ITGA1: variants seen among roughly 807,000 people sequenced by gnomAD.
The protein encoded by ITGA1 is integrin subunit alpha 1, also known as integrin alpha-1.
ITGA1 carries 85 observed loss-of-function variants against 145.9 expected under a neutral mutation model. The ratio of observed to expected loss-of-function variants is 0.58; its 90% CI spans 0.49 to 0.70. The LOEUF (loss-of-function observed/expected upper bound fraction) is 0.70. Ranked by LOEUF, ITGA1 falls within the 30% of genes least tolerant of loss-of-function variation. The pLI is 0.00. For missense variants in ITGA1, 1,351 were observed against 1,418.7 expected (o/e 0.95, Z 0.77); for synonymous variants, 520 against 495.3 (o/e 1.05, Z -0.66).
intron 14 of ITGA1, 84 bp from the exon 15 acceptor site, chr5:52,915,380 A>G (rs1486914452): frequency 2.1e-6 from 3 of 1,425,134 alleles, no homozygotes; most frequent in Non-Finnish European, 2.9e-6. Flanking sequence ...TTATTTTGTT[A>G]AACAATTTAA....
chr5:52,818,963 G>A (rs1475672555), intron 1 of ITGA1, among the ~76,000 whole-genome samples: 1 of 152,106 alleles, frequency 6.6e-6, no homozygotes, highest in Admixed American at 6.6e-5. Context: ...TCTCATTCCT[G>A]TGTGAGTTAG....
At chr5:52,881,805 G>T in intron 6 of ITGA1, 68 bp from the exon 7 acceptor site, 3 of 1,442,920 alleles carry the variant, frequency 2.1e-6, no homozygotes, top group South Asian at 2.7e-5. Context: ...GATTCACATG[G>T]TTAACCTGAA....
intron 1 of ITGA1, among the ~76,000 whole-genome samples, chr5:52,815,746 TTAAAA>T (rs1414666105): frequency 1.3e-5 from 2 of 152,218 alleles, no homozygotes; most frequent in Non-Finnish European, 1.5e-5. Flanking sequence ...TTCTTATGTC[TTAAAA>T]TAATGTTACT....
chr5:52,886,211 G>C (rs1393626329), intron 7 of ITGA1, among the ~76,000 whole-genome samples: 2 of 152,274 alleles, frequency 1.3e-5, no homozygotes, highest in African/African-American at 4.8e-5. Flanking sequence ...AGAGGGCAGA[G>C]AGACTCAAAG....
intron 6 of ITGA1, among the ~76,000 whole-genome samples, chr5:52,878,292 A>G (rs1243691486): frequency 6.6e-6 from 1 of 152,172 alleles, no homozygotes; most frequent in Non-Finnish European, 1.5e-5. Context: ...GGCAGTTATA[A>G]CTCATCTTAT....
intron 1 of ITGA1, among the ~76,000 whole-genome samples, chr5:52,835,953 T>C (rs1749155801): frequency 6.6e-6 from 1 of 152,226 alleles, no homozygotes; most frequent in African/African-American, 2.4e-5. Context: ...TGCCGATAAT[T>C]GTAGAAACAC....
chr5:52,938,770 T>C (rs1242309761), intron 24 of ITGA1, among the ~76,000 whole-genome samples: 1 of 152,190 alleles, frequency 6.6e-6, no homozygotes, highest in South Asian at 2.1e-4. Flanking sequence ...CTACCTCCCA[T>C]GTAGACTGAG....
chr5:52,850,988 CAT>C (rs958978529), intron 2 of ITGA1, among the ~76,000 whole-genome samples: 1 of 152,134 alleles, frequency 6.6e-6, no homozygotes, highest in Admixed American at 6.6e-5. Context: ...AAATGCAGTA[CAT>C]GTTATTCTTA....
chr5:52,831,159 A>G lies in ITGA1; in HGVS notation c.62-18206A>G, dbSNP rs534483262. On this transcript the variant is annotated intron_variant, in intron 1 of 28. Coordinates refer to ENST00000282588, the MANE Select transcript of ITGA1 (RefSeq NM_181501.2). ...CACTTTTTTTTTTCCTTTGAGATGG[A>G]GTCTCCTCTGTTGCCTAGACTGATG... Among the ~76,000 whole-genome samples the G allele has an allele frequency of 4.6e-5, 7 of 151,860 alleles. No homozygotes were observed. In the South Asian group the frequency reaches 1.5e-3, roughly 32 times the overall value.
At chr5:52,881,181 C>T (rs887520394) in intron 6 of ITGA1, among the ~76,000 whole-genome samples, 2 of 152,226 alleles carry the variant, frequency 1.3e-5, no homozygotes, top group African/African-American at 4.8e-5. Context: ...ACAAAGCTCA[C>T]TGCTCAAGTG....
chr5:52,922,955 G>A, intron 18 of ITGA1, 68 bp downstream of exon 18: 1 of 902,800 alleles, frequency 1.1e-6, no homozygotes. Flanking sequence ...AGTAAACTGT[G>A]TTTTTTCACT....
chr5:52,938,490 T>C (rs576855545), intron 24 of ITGA1, among the ~76,000 whole-genome samples: 2 of 152,294 alleles, frequency 1.3e-5, no homozygotes, highest in Non-Finnish European at 2.9e-5. Context: ...TGGCTTGTGA[T>C]CACTTAAATG....
At chr5:52,804,524 C>T (rs1202379012) in intron 1 of ITGA1, among the ~76,000 whole-genome samples, 2 of 152,144 alleles carry the variant, frequency 1.3e-5, no homozygotes, top group Non-Finnish European at 2.9e-5. Flanking sequence ...ACTAGAGTAG[C>T]TTTGTAAAGC....
chr5:52,913,648 A>G (rs1318286616), intron 14 of ITGA1, among the ~76,000 whole-genome samples: 1 of 152,222 alleles, frequency 6.6e-6, no homozygotes, highest in Non-Finnish European at 1.5e-5. Flanking sequence ...ATATTGAACA[A>G]CTACTTACAA....
At chr5:52,864,890 T>G in intron 4 of ITGA1, 39 bp downstream of exon 4, 1 of 1,540,090 alleles carries the variant, frequency 6.5e-7, no homozygotes, top group South Asian at 1.1e-5. Context: ...ACAACAGATA[T>G]GCTATCATTT....
Position 52,898,303 on chromosome 5 carries a change from C to T in ITGA1, c.1229C>T (p.Ala410Val). 6.2e-7 allele frequency: 1 copy of T among 1,611,768 alleles called. No homozygotes were observed. The highest frequency in any genetic ancestry group is 8.5e-7 in the Non-Finnish European group (1 of 1,178,562). Residue 410 changes from alanine (A) to valine (V), a missense_variant, in exon 11 of 29, where the codon GCT becomes GTT. Transcript: ENST00000282588. The part of the protein sequence containing the change: ...DWNGTVVMQK[A>V]SQIIIPRNTT... Reference sequence around the variant, plus strand: ...AATGGAACAGTTGTCATGCAGAAGGCTAGTCAAATCATAATCCCTCGAAAC... The same window carrying T: ...AATGGAACAGTTGTCATGCAGAAGGTTAGTCAAATCATAATCCCTCGAAAC...
intron 16 of ITGA1, 43 bp downstream of exon 16, chr5:52,918,941 A>C: frequency 6.7e-7 from 1 of 1,486,648 alleles, no homozygotes; most frequent in Non-Finnish European, 9.1e-7. Context: ...GTAGAGGACA[A>C]TATATTTGCT....
intron 6 of ITGA1, among the ~76,000 whole-genome samples, chr5:52,867,704 G>C (rs1332421790): frequency 2.0e-5 from 3 of 151,894 alleles, no homozygotes; most frequent in Admixed American, 6.6e-5. Flanking sequence ...ATTAAAGCTG[G>C]AAAGAATCTT....
intron 1 of ITGA1, among the ~76,000 whole-genome samples, chr5:52,816,092 C>T (rs1748763543): frequency 6.6e-6 from 1 of 152,112 alleles, no homozygotes; most frequent in Admixed American, 6.5e-5. Context: ...CACCTGCAAA[C>T]TAAGTTACAA....
Sources: gnomAD v4.1 joint callset for allele counts (sites outside exome capture counted in the v4.1 genomes callset) on GRCh38, gnomAD v4.1.1 for gene constraint, MANE v1.5 for transcripts, NCBI Gene and HGNC (gene_info 2026-07-23, HGNC 2026-07-21) for gene names.